The following MYH10 variants were observed in gnomAD, a reference collection of about 807,000 sequenced individuals.
MYH10 encodes myosin heavy chain 10.
MYH10 carries 55 observed loss-of-function variants against 257.8 expected under a neutral mutation model. The ratio of observed to expected loss-of-function variants is 0.21; its 90% CI spans 0.17 to 0.27. The LOEUF is 0.27. MYH10 is among the 10% of genes least tolerant of loss of function. The pLI, the probability that MYH10 is intolerant of heterozygous loss-of-function variation, is 1.00. For missense variants in MYH10, 1,631 were observed against 2,500.6 expected (o/e 0.65, Z 7.42); for synonymous variants, 854 against 921.7 (o/e 0.93, Z 1.33).
intron 17 of MYH10, among the ~76,000 whole-genome samples, chr17:8,529,289 C>A (rs931667654): frequency 1.3e-5 from 2 of 152,200 alleles, no homozygotes; most frequent in Non-Finnish European, 2.9e-5. Flanking sequence ...GTGCCAGGTG[C>A]TGCAGAAATG....
intron 11 of MYH10, 129 bp downstream of exon 11, chr17:8,548,184 T>A (rs2082505903): frequency 1.6e-6 from 1 of 624,256 alleles, no homozygotes; most frequent in Non-Finnish European, 2.8e-6. Context: ...AAATACACGA[T>A]GTTGTCACTC....
chr17:8,578,650 C>G (rs759289903), intron 4 of MYH10, among the ~76,000 whole-genome samples: 3 of 152,274 alleles, frequency 2.0e-5, no homozygotes, highest in African/African-American at 7.2e-5. Flanking sequence ...ACAAGCAAGG[C>G]TGGCACATTT....
At chr17:8,494,698 G>A (rs888835697) in intron 31 of MYH10, among the ~76,000 whole-genome samples, 70 of 152,262 alleles carry the variant, frequency 4.6e-4, no homozygotes, top group African/African-American at 1.6e-3. Flanking sequence ...CATCCCTAAC[G>A]GATGATGCAA....
rs535986269 is a variant in MYH10 at position 8,534,021 on chromosome 17, C to T, written c.1894+1366G>A. On this transcript the variant is annotated intron_variant, in intron 16 of 42. Transcript: ENST00000360416. ...CTGGCCTTTCTAGCACTGTAGACCC[C>T]GTAACAACAACCTGAGCTCAGAGGT... Among the ~76,000 whole-genome samples the T allele has an allele frequency of 1.1e-4, 17 of 152,246 alleles. No homozygotes were observed. In the South Asian group the frequency reaches 3.3e-3, roughly 30 times the overall value.
chr17:8,555,255 A>AG, intron 7 of MYH10, among the ~76,000 whole-genome samples: 1 of 152,242 alleles, frequency 6.6e-6, no homozygotes, highest in Non-Finnish European at 1.5e-5. Flanking sequence ...TAAACAGTCA[A>AG]GGGATTGGAG....
chr17:8,474,361 GAT>G lies in MYH10; in HGVS notation c.*1441_*1442del, dbSNP rs1912160341. 6.6e-6 allele frequency: 1 copy of G among 152,550 alleles called. No homozygotes were observed. The highest frequency in any genetic ancestry group is 6.5e-5 in the Admixed American group (1 of 15,280). The allele number at this position is 152,550 out of a possible 1,614,324, so 9.4% of individuals were successfully genotyped here. On this transcript the variant is annotated 3_prime_UTR_variant, in exon 43 of 43. Transcript: ENST00000360416. Reference sequence around the variant, plus strand: ...CTAGAAATATGGGAATACAAGAAAAGATATTTGCGGTCAGGTGTCTGGTGGTC... The same window carrying G: ...CTAGAAATATGGGAATACAAGAAAAGATTTGCGGTCAGGTGTCTGGTGGTC...
intron 42 of MYH10, among the ~76,000 whole-genome samples, chr17:8,476,461 C>T (rs908700330): frequency 1.3e-5 from 2 of 152,242 alleles, no homozygotes; most frequent in African/African-American, 4.8e-5. Context: ...CTGTAGCTCT[C>T]TCACGCTCTG....
chr17:8,561,987 A>G (rs1280590275), intron 7 of MYH10, among the ~76,000 whole-genome samples: 1 of 152,248 alleles, frequency 6.6e-6, no homozygotes, highest in South Asian at 2.1e-4. Context: ...ATTTCTGAAA[A>G]TATATTTGGT....
intron 16 of MYH10, among the ~76,000 whole-genome samples, chr17:8,533,108 C>T (rs1473485169): frequency 2.0e-5 from 3 of 152,158 alleles, no homozygotes; most frequent in African/African-American, 2.4e-5. Context: ...ATCATCTCCA[C>T]GCCCACTGTC....
intron 9 of MYH10, among the ~76,000 whole-genome samples, chr17:8,550,393 G>A (rs1454742355): frequency 2.6e-5 from 4 of 151,250 alleles, no homozygotes; most frequent in Admixed American, 6.6e-5. Flanking sequence ...CCGTCTGGGA[G>A]GTGAGGAGCA....
chr17:8,534,578 A>C (rs1401877424), intron 16 of MYH10, among the ~76,000 whole-genome samples: 1 of 151,668 alleles, frequency 6.6e-6, no homozygotes, highest in Non-Finnish European at 1.5e-5. Context: ...CTTTCCCTCT[A>C]CCTCTAAGAC....
rs141351160 is a variant in MYH10 at position 8,558,884 on chromosome 17, C to G, written c.757-4866G>C. 2.0e-5 allele frequency among the ~76,000 whole-genome samples: 3 copies of G among 152,190 alleles called. No individual in the cohort carries two copies. The East Asian group carries it at 5.8e-4, about 29-fold the overall frequency. On this transcript the variant is annotated intron_variant, in intron 7 of 42. Transcript: ENST00000360416. The stretch of plus-strand genomic sequence containing the variant: ...ATCTATTTCCTTCTAACAATTTTCA[C>G]ATACACACCTGCTTTCTGCATTTGT...
At chr17:8,608,916 T>G (rs2084916846) in intron 2 of MYH10, among the ~76,000 whole-genome samples, 1 of 151,978 alleles carries the variant, frequency 6.6e-6, no homozygotes, top group Non-Finnish European at 1.5e-5. Flanking sequence ...GCTGACGCCA[T>G]TCTCCTGCAT....
intron 4 of MYH10, among the ~76,000 whole-genome samples, chr17:8,581,793 TACATG>T (rs1228197935): frequency 6.6e-6 from 1 of 152,246 alleles, no homozygotes; most frequent in Non-Finnish European, 1.5e-5. Flanking sequence ...TCATCCACTA[TACATG>T]AGGTGATTTG....
intron 24 of MYH10, among the ~76,000 whole-genome samples, chr17:8,511,823 T>A (rs1227485213): frequency 6.6e-6 from 1 of 152,092 alleles, no homozygotes; most frequent in Non-Finnish European, 1.5e-5. Flanking sequence ...TGCTCCCTTC[T>A]CCCCCTAGGT....
intron 36 of MYH10, among the ~76,000 whole-genome samples, chr17:8,487,031 A>C (rs565891213): frequency 6.6e-6 from 1 of 152,308 alleles, no homozygotes; most frequent in Non-Finnish European, 1.5e-5. Context: ...TCTTGCAGAG[A>C]TCACTTCTTG....
At chr17:8,499,154 T>C in intron 30 of MYH10, 116 bp downstream of exon 30, 1 of 953,718 alleles carries the variant, frequency 1.0e-6, no homozygotes, top group Non-Finnish European at 1.6e-6. Context: ...TGGATAGCAA[T>C]TTTCAGGTGT....
intron 36 of MYH10, among the ~76,000 whole-genome samples, chr17:8,486,026 A>G (rs966519730): frequency 6.6e-6 from 1 of 152,262 alleles, no homozygotes; most frequent in Non-Finnish European, 1.5e-5. Flanking sequence ...TCATGTGGCT[A>G]CATGGATGAA....
chr17:8,606,597 T>A (rs575962364), intron 2 of MYH10, among the ~76,000 whole-genome samples: 23 of 152,286 alleles, frequency 1.5e-4, no homozygotes, highest in African/African-American at 4.8e-4. Flanking sequence ...TTACTAATGC[T>A]AAACCAAGAG....
Sources: gnomAD v4.1 joint callset for allele counts (sites outside exome capture counted in the v4.1 genomes callset) on GRCh38, gnomAD v4.1.1 for gene constraint, MANE v1.5 for transcripts, NCBI Gene and HGNC (gene_info 2026-07-23, HGNC 2026-07-21) for gene names.